The following CIMAP2 variants were observed in gnomAD, a reference collection of about 807,000 sequenced individuals.
CIMAP2 encodes the protein ciliary microtubule associated protein 2, also known as ciliary microtubule-associated protein 2.
At chr1:54,826,669 G>A in the CIMAP2 span, among the ~76,000 whole-genome samples, 2 of 152,240 alleles carry the variant, frequency 1.3e-5, no homozygotes, top group East Asian at 3.9e-4. Flanking sequence ...CTCTCCTGTG[G>A]GTAGGATTGC....
the CIMAP2 span, among the ~76,000 whole-genome samples, chr1:54,829,311 T>C: frequency 6.6e-6 from 1 of 152,176 alleles, no homozygotes; most frequent in Non-Finnish European, 1.5e-5. Context: ...GAAGAATTTA[T>C]ACCCTGGGGG....
At chr1:54,837,172 C>A in the CIMAP2 span, among the ~76,000 whole-genome samples, 1 of 152,028 alleles carries the variant, frequency 6.6e-6, no homozygotes, top group Admixed American at 6.5e-5. Context: ...GTGCTATTGA[C>A]AAGTCATGTG....
At chr1:54,815,791 C>T in the CIMAP2 span, among the ~76,000 whole-genome samples, 1 of 152,094 alleles carries the variant, frequency 6.6e-6, no homozygotes, top group South Asian at 2.1e-4. Flanking sequence ...GTAACTATCC[C>T]CCAGAGCATT....
the CIMAP2 span, among the ~76,000 whole-genome samples, chr1:54,834,206 C>A: frequency 6.6e-6 from 1 of 152,184 alleles, no homozygotes; most frequent in Non-Finnish European, 1.5e-5. Flanking sequence ...CCATCTATAG[C>A]GCTGCTTAAA....
At chr1:54,811,765 G>GCCGGGGGGGGGGCGGGCCCCCCCCC in the CIMAP2 span, 1 of 1,301,330 alleles carries the variant, frequency 7.7e-7, no homozygotes, top group Non-Finnish European at 1.1e-6. Flanking sequence ...GGTTCTGACA[G>GCCGGGGGGGGGGCGGGCCCCCCCCC]CCTCCATGCC....
the CIMAP2 span, among the ~76,000 whole-genome samples, chr1:54,831,537 C>A: frequency 6.6e-6 from 1 of 152,120 alleles, no homozygotes; most frequent in Non-Finnish European, 1.5e-5. Context: ...CCTGTAATCC[C>A]AGCTACTCAG....
chr1:54,841,761 G>C, the CIMAP2 span: 1 of 1,603,502 alleles, frequency 6.2e-7, no homozygotes, highest in Admixed American at 1.7e-5. Flanking sequence ...TCCCTTCCAA[G>C]GGATCACTTC....
chr1:54,806,128 C>A, the CIMAP2 span: 1 of 1,541,720 alleles, frequency 6.5e-7, no homozygotes, highest in East Asian at 2.4e-5. Context: ...TGAGGGAAAG[C>A]CAGGATGCCG....
the CIMAP2 span, chr1:54,811,915 AC>A: frequency 6.2e-7 from 1 of 1,613,620 alleles, no homozygotes. Context: ...AACAAGCCAC[AC>A]CCCCGGCCTC....
the CIMAP2 span, chr1:54,806,289 G>A: frequency 2.9e-5 from 40 of 1,401,880 alleles, no homozygotes; most frequent in East Asian, 5.9e-5. Context: ...CCGAAGCCAC[G>A]CTTGGCCTCG....
chr1:54,816,855 A>C, the CIMAP2 span: 10 of 1,251,988 alleles, frequency 8.0e-6, no homozygotes, highest in Non-Finnish European at 1.1e-5. Flanking sequence ...TTGGGACCTC[A>C]ACATATCTTT....
At chr1:54,832,822 G>A in the CIMAP2 span, among the ~76,000 whole-genome samples, 6 of 152,256 alleles carry the variant, frequency 3.9e-5, no homozygotes, top group East Asian at 9.7e-4. Flanking sequence ...GAGGTCAGGC[G>A]TTAGAGACTA....
the CIMAP2 span, among the ~76,000 whole-genome samples, chr1:54,814,331 A>G: frequency 5.3e-5 from 8 of 152,084 alleles, no homozygotes; most frequent in African/African-American, 1.9e-4. Context: ...GGGAAACTGG[A>G]GCAGGGCAGA....
At chr1:54,814,125 G>A in the CIMAP2 span, 1 of 1,015,382 alleles carries the variant, frequency 9.8e-7, no homozygotes, top group Non-Finnish European at 1.4e-6. Flanking sequence ...GGAACATTGG[G>A]ACACTTTAGG....
chr1:54,811,897 G>C, the CIMAP2 span: 1 of 1,613,896 alleles, frequency 6.2e-7, no homozygotes, highest in Non-Finnish European at 8.5e-7. Flanking sequence ...CTCATGTGCA[G>C]GATGAGCAAC....
chr1:54,834,881 A>C, the CIMAP2 span, among the ~76,000 whole-genome samples: 60,301 of 152,072 alleles, frequency 0.4, 12,734 homozygotes, highest in African/African-American at 0.53. Flanking sequence ...TTTTCAGATA[A>C]GGGAAGCTCA....
the CIMAP2 span, among the ~76,000 whole-genome samples, chr1:54,828,376 C>A: frequency 1.3e-5 from 2 of 152,118 alleles, no homozygotes; most frequent in East Asian, 3.9e-4. Context: ...GGGGGTGCCA[C>A]CCAGGGCTGC....
At chr1:54,827,584 G>C in the CIMAP2 span, among the ~76,000 whole-genome samples, 3 of 152,156 alleles carry the variant, frequency 2.0e-5, no homozygotes, top group African/African-American at 7.2e-5. Context: ...TGCGTGACCT[G>C]GGGCAAGTTG....
At chr1:54,838,358 C>T in the CIMAP2 span, among the ~76,000 whole-genome samples, 1 of 151,908 alleles carries the variant, frequency 6.6e-6, no homozygotes, top group African/African-American at 2.4e-5. Context: ...TGGTGGGTGC[C>T]TGTAGTCCCA....
Sources: allele counts gnomAD v4.1 joint callset (sites outside exome capture counted in the v4.1 genomes callset), GRCh38; gene constraint gnomAD v4.1.1; transcripts MANE v1.5; gene names NCBI Gene and HGNC (gene_info 2026-07-23, HGNC 2026-07-21).